Variants in MGMT observed in about 807,000 individuals in gnomAD.
The protein encoded by MGMT is methylated-DNA--protein-cysteine methyltransferase.
MGMT carries 14 observed loss-of-function variants against 15.9 expected under a neutral mutation model. That is an observed-to-expected ratio of 0.88 (90% CI 0.58 to 1.37). The LOEUF (loss-of-function observed/expected upper bound fraction) is 1.37. Ranked by LOEUF, MGMT falls within the 40% of genes most tolerant of loss-of-function variation. The probability of loss-of-function intolerance (pLI) is 0.00; values close to 1 mark genes in which losing one functional copy is unlikely to be tolerated. For synonymous variants in MGMT, 130 were observed against 118.2 expected (o/e 1.10, Z -0.65); for missense variants, 282 against 268.1 (o/e 1.05, Z -0.36).
chr10:129,693,088 A>G (rs1017831775), intron 2 of MGMT, among the ~76,000 whole-genome samples: 2 of 152,240 alleles, frequency 1.3e-5, no homozygotes, highest in Admixed American at 6.5e-5. Context: ...GAGGATTTTA[A>G]TCTCTGATGG....
At chr10:129,704,095 T>G (rs900008489) in intron 2 of MGMT, among the ~76,000 whole-genome samples, 3 of 152,132 alleles carry the variant, frequency 2.0e-5, no homozygotes, top group South Asian at 2.1e-4. Flanking sequence ...ATCGTTCTTC[T>G]TAGATAGCAT....
At chr10:129,689,954 G>C (rs1216117533) in intron 2 of MGMT, among the ~76,000 whole-genome samples, 1 of 152,252 alleles carries the variant, frequency 6.6e-6, no homozygotes. Context: ...TATTAAAATT[G>C]AGTCCTTGTG....
chr10:129,630,244 C>T (rs1196452862), intron 2 of MGMT, among the ~76,000 whole-genome samples: 1 of 152,188 alleles, frequency 6.6e-6, no homozygotes, highest in African/African-American at 2.4e-5. Flanking sequence ...GATGAAAGGG[C>T]CTGGCCACTC....
intron 2 of MGMT, among the ~76,000 whole-genome samples, chr10:129,596,381 G>C (rs1405308506): frequency 6.6e-6 from 1 of 152,130 alleles, no homozygotes; most frequent in Non-Finnish European, 1.5e-5. Context: ...TAAATACAGT[G>C]AAATCTAAGC....
chr10:129,521,073 A>C (rs1381917267), intron 1 of MGMT, among the ~76,000 whole-genome samples: 2 of 152,116 alleles, frequency 1.3e-5, no homozygotes, highest in South Asian at 2.1e-4. Context: ...CCGGGTGCCC[A>C]GCCTGACTGG....
intron 2 of MGMT, among the ~76,000 whole-genome samples, chr10:129,612,609 G>T (rs930712507): frequency 3.9e-5 from 6 of 152,164 alleles, no homozygotes; most frequent in Non-Finnish European, 4.4e-5. Flanking sequence ...TGCTGGCAGT[G>T]ACCCCATATA....
chr10:129,669,026 C>G (rs890586079), intron 2 of MGMT, among the ~76,000 whole-genome samples: 5 of 152,104 alleles, frequency 3.3e-5, no homozygotes, highest in Non-Finnish European at 2.9e-5. Flanking sequence ...TATATATAAT[C>G]TATTGTAAGT....
chr10:129,612,698 G>A (rs563583749), intron 2 of MGMT, among the ~76,000 whole-genome samples: 1 of 152,312 alleles, frequency 6.6e-6, no homozygotes, highest in Non-Finnish European at 1.5e-5. Flanking sequence ...CATAGGCGAG[G>A]CAGCACTTAA....
chr10:129,652,174 G>A (rs1391394795), intron 2 of MGMT, among the ~76,000 whole-genome samples: 2 of 152,220 alleles, frequency 1.3e-5, no homozygotes, highest in African/African-American at 2.4e-5. Context: ...TGGGAGACAG[G>A]TCCCTGGCTT....
At position 129,525,122 on chromosome 10, in the gene MGMT, T is replaced by TCA. The variant is rs895674339; in HGVS notation, c.-12-11106_-12-11105dup. On this transcript the variant is annotated intron_variant, in intron 1 of 4. Transcript: ENST00000651593. ...TTTCTCTAGGTGTGATCTATTTCTT[T>TCA]CACACACACACACAGCAGTTTGTAT... Among the ~76,000 whole-genome samples the TCA allele has an allele frequency of 1.9e-3, 286 of 151,916 alleles. 3 individuals carry two copies. The highest frequency in any genetic ancestry group is 7.2e-4 in the Non-Finnish European group (49 of 67,922).
rs145929589 is a variant in MGMT, at chr10:129,671,229, T to C, written c.126-36666T>C. Among the ~76,000 whole-genome samples, 3 of 152,350 alleles carry C rather than the reference T, an allele frequency of 2.0e-5. No homozygotes were observed. The East Asian group carries it at 5.8e-4, about 29-fold the overall frequency. ...TGATTCCTTCCAATTATTGTACTAATTGTGCTGTTATCCATACCTTGGAGG... is the reference window on the plus strand; with the variant it reads ...TGATTCCTTCCAATTATTGTACTAACTGTGCTGTTATCCATACCTTGGAGG... On this transcript the variant is annotated intron_variant, in intron 2 of 4. Transcript: ENST00000651593.
intron 2 of MGMT, among the ~76,000 whole-genome samples, chr10:129,668,156 A>G (rs1847680847): frequency 6.6e-6 from 1 of 152,180 alleles, no homozygotes. Flanking sequence ...CTCCCATAAG[A>G]ACGTGAAGAA....
At chr10:129,468,849 C>T (rs1404630050) in intron 1 of MGMT, among the ~76,000 whole-genome samples, 1 of 152,144 alleles carries the variant, frequency 6.6e-6, no homozygotes, top group Admixed American at 6.5e-5. Flanking sequence ...TGCGCCATTG[C>T]ACTCCAACCT....
intron 2 of MGMT, among the ~76,000 whole-genome samples, chr10:129,665,658 G>A (rs1182311341): frequency 6.6e-6 from 1 of 152,154 alleles, no homozygotes; most frequent in Non-Finnish European, 1.5e-5. Context: ...AAGTGCTTAG[G>A]ATGATGGAAC....
At chr10:129,495,674 G>T (rs1026166970) in intron 1 of MGMT, among the ~76,000 whole-genome samples, 3 of 152,184 alleles carry the variant, frequency 2.0e-5, no homozygotes, top group African/African-American at 7.2e-5. Flanking sequence ...GCAGAGAAAC[G>T]ATTGCATGGA....
At chr10:129,657,673 C>T (rs1291807927) in intron 2 of MGMT, among the ~76,000 whole-genome samples, 1 of 80,890 alleles carries the variant, frequency 1.2e-5, no homozygotes, top group Non-Finnish European at 2.4e-5. Flanking sequence ...CCAGCTCCTC[C>T]AACACACACA....
intron 3 of MGMT, among the ~76,000 whole-genome samples, chr10:129,744,738 T>A (rs970773685): frequency 6.6e-6 from 1 of 152,168 alleles, no homozygotes; most frequent in Non-Finnish European, 1.5e-5. Flanking sequence ...CCACAGGAGC[T>A]CCTGGCCCGC....
chr10:129,560,290 A>G (rs773471557), intron 2 of MGMT, among the ~76,000 whole-genome samples: 2 of 152,246 alleles, frequency 1.3e-5, no homozygotes, highest in Non-Finnish European at 2.9e-5. Flanking sequence ...AAAAGTGTGT[A>G]TATGATATAG....
intron 1 of MGMT, among the ~76,000 whole-genome samples, chr10:129,496,400 A>G (rs1845521836): frequency 6.6e-6 from 1 of 152,174 alleles, no homozygotes; most frequent in Admixed American, 6.5e-5. Context: ...CAGAGAGACT[A>G]CTTTTATAAC....
Sources: allele counts gnomAD v4.1 joint callset (sites outside exome capture counted in the v4.1 genomes callset), GRCh38; gene constraint gnomAD v4.1.1; transcripts MANE v1.5; gene names NCBI Gene and HGNC (gene_info 2026-07-23, HGNC 2026-07-21).